Variants in CSMD1 observed in about 807,000 individuals in gnomAD.
CSMD1 encodes CUB and sushi domain-containing protein 1.
CSMD1 carries 213 observed loss-of-function variants against 417.5 expected under a neutral mutation model. The ratio of observed to expected loss-of-function variants is 0.51; its 90% CI spans 0.46 to 0.57. The LOEUF (loss-of-function observed/expected upper bound fraction) is 0.57, where lower values mean the gene tolerates loss of function less well. Among genes scored for constraint, CSMD1 ranks in the 20% least tolerant of loss-of-function variants. The probability of loss-of-function intolerance (pLI) is 0.00; values close to 1 mark genes in which losing one functional copy is unlikely to be tolerated. For missense variants in CSMD1, 6,923 were observed against 4,529.7 expected, an observed-to-expected ratio of 1.53 and a Z score of -15.17; for synonymous variants, 2,862 against 1,736.8, an observed-to-expected ratio of 1.65 and a Z score of -16.11.
intron 5 of CSMD1, among the ~76,000 whole-genome samples, chr8:3,780,975 T>G (rs1360667488): frequency 4.6e-5 from 7 of 152,220 alleles, no homozygotes; most frequent in Non-Finnish European, 8.8e-5. Context: ...CTTCATGATC[T>G]GAAAATATCT....
intron 26 of CSMD1, among the ~76,000 whole-genome samples, chr8:3,275,348 G>C (rs542600397): frequency 7.8e-4 from 119 of 152,130 alleles, no homozygotes; most frequent in African/African-American, 2.8e-3. Flanking sequence ...CTTTCTCTCT[G>C]GCTGCCCTTA....
intron 52 of CSMD1, among the ~76,000 whole-genome samples, chr8:3,005,272 G>A (rs943900641): frequency 9.2e-5 from 14 of 152,130 alleles, no homozygotes; most frequent in African/African-American, 1.9e-4. Flanking sequence ...AAGAGTTTCC[G>A]TACCATAAGC....
chr8:3,783,244 G>GTA (rs1461786169), intron 5 of CSMD1, among the ~76,000 whole-genome samples: 2 of 152,180 alleles, frequency 1.3e-5, no homozygotes, highest in Non-Finnish European at 2.9e-5. Context: ...CCGATACTGT[G>GTA]TAGGTGCTCC....
At chr8:4,562,234 G>T (rs1057139312) in intron 2 of CSMD1, among the ~76,000 whole-genome samples, 2 of 152,114 alleles carry the variant, frequency 1.3e-5, no homozygotes, top group Non-Finnish European at 2.9e-5. Flanking sequence ...CGACACACCG[G>T]TGTTCCACAC....
intron 41 of CSMD1, chr8:3,127,809 T>C (rs1817585663): frequency 6.6e-6 from 1 of 151,188 alleles, no homozygotes; most frequent in Admixed American, 6.6e-5. Context: ...GCAATATGCT[T>C]TATAACACAG....
chr8:4,750,142 A>T (rs1411775765), intron 1 of CSMD1, among the ~76,000 whole-genome samples: 1 of 152,084 alleles, frequency 6.6e-6, no homozygotes, highest in Non-Finnish European at 1.5e-5. Context: ...AGTAGCTGGG[A>T]CTACAGGCGC....
chr8:3,858,641 T>A (rs1038194722), intron 5 of CSMD1, among the ~76,000 whole-genome samples: 1 of 151,708 alleles, frequency 6.6e-6, no homozygotes, highest in Admixed American at 6.6e-5. Context: ...CCTTTTTCTA[T>A]GTATTTAATG....
intron 30 of CSMD1, among the ~76,000 whole-genome samples, chr8:3,211,113 C>A (rs537226217): frequency 1.0e-3 from 158 of 152,240 alleles, no homozygotes; most frequent in African/African-American, 3.6e-3. Flanking sequence ...GATCCAGTCA[C>A]GGCTCACTGC....
At chr8:4,852,017 A>G (rs979613503) in intron 1 of CSMD1, among the ~76,000 whole-genome samples, 3 of 152,166 alleles carry the variant, frequency 2.0e-5, no homozygotes, top group Admixed American at 1.3e-4. Context: ...TCTGTCACTA[A>G]GGTCTAACCT....
intron 7 of CSMD1, among the ~76,000 whole-genome samples, chr8:3,683,436 A>G (rs747975448): frequency 6.6e-6 from 1 of 152,096 alleles, no homozygotes; most frequent in African/African-American, 2.4e-5. Context: ...CTATCTGCCT[A>G]AAGGGAATTC....
At chr8:3,190,173 G>C in intron 33 of CSMD1, 58 bp from the exon 34 acceptor site, 1 of 1,407,256 alleles carries the variant, frequency 7.1e-7, no homozygotes, top group Non-Finnish European at 9.8e-7. Context: ...CCAGGACGTT[G>C]CGTGGAACGT....
chr8:3,818,632 C>A (rs776054414), intron 5 of CSMD1, among the ~76,000 whole-genome samples: 2 of 152,180 alleles, frequency 1.3e-5, no homozygotes, highest in Non-Finnish European at 1.5e-5. Flanking sequence ...TGGGTCCCCA[C>A]AGCAAGGGAT....
intron 3 of CSMD1, among the ~76,000 whole-genome samples, chr8:4,227,360 T>C (rs1801422592): frequency 6.6e-6 from 1 of 152,082 alleles, no homozygotes. Context: ...AGGTCTATTG[T>C]CTAACATTTT....
chr8:4,663,423 C>T (rs1804728234), intron 1 of CSMD1, among the ~76,000 whole-genome samples: 1 of 152,204 alleles, frequency 6.6e-6, no homozygotes, highest in African/African-American at 2.4e-5. Flanking sequence ...ATGTCCCTGC[C>T]GAAATCTCAT....
Position 3,305,837 on chromosome 8 carries a change from G to A in CSMD1, c.3950+1858C>T, listed in dbSNP as rs756600156. ...TGGGACTACAGGTGCCTGCCACCACGTGTGGCTAATTTTTTTGTATTTTTA... is the reference window on the plus strand; with the variant it reads ...TGGGACTACAGGTGCCTGCCACCACATGTGGCTAATTTTTTTGTATTTTTA... On this transcript the variant is annotated intron_variant, in intron 25 of 69. Coordinates refer to ENST00000635120, the MANE Select transcript of CSMD1 (RefSeq NM_033225.6). Among the ~76,000 whole-genome samples, 17 of 152,106 alleles carry A rather than the reference G, an allele frequency of 1.1e-4. No homozygotes were observed. The East Asian group carries it at 1.6e-3, about 14-fold the overall frequency.
chr8:3,883,240 A>C (rs768157915), intron 5 of CSMD1, among the ~76,000 whole-genome samples: 5 of 152,134 alleles, frequency 3.3e-5, no homozygotes, highest in Non-Finnish European at 5.9e-5. Context: ...TTGACCTGTA[A>C]TTTTCCTCAT....
intron 5 of CSMD1, among the ~76,000 whole-genome samples, chr8:3,890,352 G>T (rs539985531): frequency 5.3e-5 from 8 of 152,192 alleles, no homozygotes; most frequent in African/African-American, 1.4e-4. Flanking sequence ...ACTGGGCAGG[G>T]TTTACTACTT....
intron 3 of CSMD1, among the ~76,000 whole-genome samples, chr8:4,362,349 T>A (rs1013504169): frequency 6.6e-6 from 1 of 152,114 alleles, no homozygotes; most frequent in East Asian, 1.9e-4. Flanking sequence ...CCCAAGCTCA[T>A]CTGTCTGCCC....
At chr8:3,648,252 A>C (rs115881780) in intron 7 of CSMD1, among the ~76,000 whole-genome samples, 3,099 of 152,314 alleles carry the variant, frequency 0.02, 108 homozygotes, top group African/African-American at 0.071. Flanking sequence ...GCTATTCCCC[A>C]AATTATTTTC....
Sources: allele counts gnomAD v4.1 joint callset (sites outside exome capture counted in the v4.1 genomes callset), GRCh38; gene constraint gnomAD v4.1.1; transcripts MANE v1.5; gene names NCBI Gene and HGNC (gene_info 2026-07-23, HGNC 2026-07-21).